Variants in ATG7 observed in about 807,000 individuals in gnomAD.
ATG7 encodes the protein autophagy related 7.
A neutral mutation model predicts 82.4 loss-of-function variants in ATG7; 70 were observed. The ratio of observed to expected loss-of-function variants is 0.85; its 90% CI spans 0.70 to 1.04. The LOEUF is 1.04. ATG7 is among the 50% of genes least tolerant of loss of function. The pLI, the probability that ATG7 is intolerant of heterozygous loss-of-function variation, is 0.00. For synonymous variants in ATG7, 287 were observed against 313.0 expected (o/e 0.92, Z 0.88); for missense variants, 792 against 864.3 (o/e 0.92, Z 1.05).
intron 20 of ATG7, among the ~76,000 whole-genome samples, chr3:11,504,598 T>G (rs936502174): frequency 6.6e-6 from 1 of 152,246 alleles, no homozygotes; most frequent in Non-Finnish European, 1.5e-5. Context: ...GGACAGATTG[T>G]GTTAAGATGA....
chr3:11,415,172 A>G (rs2081262461), intron 19 of ATG7, among the ~76,000 whole-genome samples: 1 of 152,232 alleles, frequency 6.6e-6, no homozygotes, highest in East Asian at 1.9e-4. Flanking sequence ...ATCTCAATGT[A>G]TCTCAATATA....
intron 20 of ATG7, among the ~76,000 whole-genome samples, chr3:11,512,231 C>G (rs2092099110): frequency 6.6e-6 from 1 of 152,186 alleles, no homozygotes; most frequent in Non-Finnish European, 1.5e-5. Context: ...GTCCCCCACA[C>G]CCCTCTCCCC....
At chr3:11,477,407 T>G in intron 20 of ATG7, 3 of 728,724 alleles carry the variant, frequency 4.1e-6, no homozygotes, top group Non-Finnish European at 5.2e-6. Flanking sequence ...AGTGTATTTA[T>G]ATAATTCTAT....
chr3:11,558,310 G>GT (rs955635455), downstream of ATG7: 15 of 617,486 alleles, frequency 2.4e-5, no homozygotes, highest in Non-Finnish European at 4.0e-5. Context: ...GAGGCAGGAA[G>GT]TAAGGATGCT....
chr3:11,427,294 T>C (rs1410831849), intron 20 of ATG7, among the ~76,000 whole-genome samples: 2 of 152,194 alleles, frequency 1.3e-5, no homozygotes, highest in Non-Finnish European at 2.9e-5. Flanking sequence ...ACTCCAGCTA[T>C]GTTCTTTAGA....
At chr3:11,285,938 G>A (rs868526008) in intron 3 of ATG7, among the ~76,000 whole-genome samples, 72 of 152,290 alleles carry the variant, frequency 4.7e-4, no homozygotes, top group Non-Finnish European at 3.2e-4. Flanking sequence ...TCACGTCTTT[G>A]TGGTCTCTTT....
chr3:11,308,844 C>T (rs1366795656), intron 6 of ATG7, 140 bp from the exon 7 acceptor site: 1 of 763,224 alleles, frequency 1.3e-6, no homozygotes, highest in African/African-American at 1.7e-5. Flanking sequence ...GAGGTAACAA[C>T]CCACTTCATT....
At chr3:11,375,088 T>G (rs1467358900) in intron 18 of ATG7, among the ~76,000 whole-genome samples, 1 of 150,082 alleles carries the variant, frequency 6.7e-6, no homozygotes, top group Non-Finnish European at 1.5e-5. Flanking sequence ...GGTGGTGTGT[T>G]CCTGTAGTCC....
rs573437628 is a variant in ATG7, at chr3:11,357,046, C to T, written c.1285-1372C>T. 7.2e-5 allele frequency among the ~76,000 whole-genome samples: 11 copies of T among 152,278 alleles called. No individual in the cohort carries two copies. The South Asian group carries it at 1.7e-3, about 23-fold the overall frequency. On this transcript the variant is annotated intron_variant, in intron 14 of 20. Transcript: ENST00000693202. ...AGTTGAAGATAATAAAAAAAATCCACAATCTACAAATTTGATATTTCTTTG... is the reference window on the plus strand; with the variant it reads ...AGTTGAAGATAATAAAAAAAATCCATAATCTACAAATTTGATATTTCTTTG...
chr3:11,565,549 C>T, the ATG7 span, among the ~76,000 whole-genome samples: 19 of 152,158 alleles, frequency 1.2e-4, no homozygotes, highest in Non-Finnish European at 7.4e-5. The surrounding 1 kb of genome is among the most constrained non-coding windows in gnomAD (Gnocchi z 4.1). Flanking sequence ...GACCAGAACC[C>T]CAAGACTCAA....
intron 19 of ATG7, among the ~76,000 whole-genome samples, chr3:11,396,793 A>AAAAAG (rs55908545): frequency 0.48 from 68,696 of 142,132 alleles, 17,844 homozygotes; most frequent in East Asian, 0.67. Context: ...AAAAAAAAAA[A>AAAAAG]AAAAGAAAAG....
chr3:11,334,948 T>A (rs1186402894), intron 11 of ATG7, among the ~76,000 whole-genome samples: 1 of 71,612 alleles, frequency 1.4e-5, no homozygotes, highest in Non-Finnish European at 2.8e-5. Context: ...AGCAAGACTC[T>A]GTCTCAAAAA....
rs750405924 is a variant in ATG7, at chr3:11,348,009, C to T, written c.1258C>T (p.Arg420Trp). The T allele has an allele frequency of 1.1e-5, 17 of 1,613,686 alleles. No homozygotes were observed. The highest frequency in any genetic ancestry group is 5.5e-5 in the South Asian group (5 of 91,050). ...GCCCAAGGCTCTGGCAGCAGCGGAC[C>T]GGCTCCAGAAAATATTCCCCGGTGT... ...GKPKALAAAD[R>W]LQKIFPGVNA... Residue 420 changes from arginine (R) to tryptophan (W), a missense_variant, in exon 14 of 21, where the codon CGG becomes TGG. By Grantham distance (101) the Arg-to-Trp change is moderately radical (BLOSUM62 -3). Transcript: ENST00000693202.
chr3:11,385,533 C>CT (rs1412922970), intron 19 of ATG7, among the ~76,000 whole-genome samples: 1 of 152,218 alleles, frequency 6.6e-6, no homozygotes, highest in African/African-American at 2.4e-5. Flanking sequence ...TAGCCACTGT[C>CT]TTCAAGGAAC....
intron 18 of ATG7, 33 bp downstream of exon 18, chr3:11,364,767 T>C (rs1341861792): frequency 6.2e-7 from 1 of 1,610,102 alleles, no homozygotes; most frequent in South Asian, 1.1e-5. Flanking sequence ...CACAATTCTT[T>C]TGGTACAGGG....
At chr3:11,361,531 C>T (rs189235291) in intron 16 of ATG7, among the ~76,000 whole-genome samples, 26 of 152,252 alleles carry the variant, frequency 1.7e-4, no homozygotes, top group Admixed American at 1.5e-3. Flanking sequence ...GATCCACCTG[C>T]CTCAGTCTCC....
chr3:11,549,851 G>C (rs1034075827), intron 20 of ATG7, among the ~76,000 whole-genome samples: 5 of 152,204 alleles, frequency 3.3e-5, no homozygotes, highest in Admixed American at 6.5e-5. Flanking sequence ...ACTAGGAGCA[G>C]TGTGTGGGCC....
At chr3:11,527,620 G>A (rs932911773) in intron 20 of ATG7, among the ~76,000 whole-genome samples, 4 of 152,096 alleles carry the variant, frequency 2.6e-5, no homozygotes, top group African/African-American at 4.8e-5. Context: ...GTGGTCATAG[G>A]CATGAGAGTT....
chr3:11,277,726 C>T (rs1942119030), intron 1 of ATG7, among the ~76,000 whole-genome samples: 1 of 152,210 alleles, frequency 6.6e-6, no homozygotes, highest in Non-Finnish European at 1.5e-5. Context: ...ACATCTTAAA[C>T]AACAGAAAAC....
Sources: allele counts gnomAD v4.1 joint callset (sites outside exome capture counted in the v4.1 genomes callset), GRCh38; gene constraint gnomAD v4.1.1; non-coding constraint Gnocchi (gnomAD v3.1); transcripts MANE v1.5; gene names NCBI Gene and HGNC (gene_info 2026-07-23, HGNC 2026-07-21).